Variants in TEAD4 observed in about 807,000 individuals in gnomAD.
TEAD4 encodes the protein transcriptional enhancer factor TEF-3.
TEAD4 carries 36 observed loss-of-function variants against 52.4 expected under a neutral mutation model. The ratio of observed to expected loss-of-function variants is 0.69; its 90% CI spans 0.53 to 0.91. The LOEUF is 0.91. Among genes scored for constraint, TEAD4 ranks in the 40% least tolerant of loss-of-function variants. The pLI, the probability that TEAD4 is intolerant of heterozygous loss-of-function variation, is 0.00. For synonymous variants in TEAD4, 220 were observed against 231.0 expected (o/e 0.95, Z 0.43); for missense variants, 508 against 583.9 (o/e 0.87, Z 1.34).
intron 10 of TEAD4, among the ~76,000 whole-genome samples, chr12:3,030,328 T>C (rs2098274731): frequency 6.6e-6 from 1 of 152,162 alleles, no homozygotes; most frequent in East Asian, 1.9e-4. Context: ...GGAGCCACCA[T>C]ACCCGGCTGA....
At chr12:3,014,556 C>A (rs2098262833) in intron 5 of TEAD4, among the ~76,000 whole-genome samples, 1 of 152,226 alleles carries the variant, frequency 6.6e-6, no homozygotes, top group Admixed American at 6.5e-5. Context: ...CAATAGAAAT[C>A]CCTGAGTGAG....
chr12:3,038,741 G>A (rs981775873), intron 11 of TEAD4, among the ~76,000 whole-genome samples: 2 of 152,186 alleles, frequency 1.3e-5, no homozygotes, highest in Non-Finnish European at 2.9e-5. Flanking sequence ...CTGCTTTCCG[G>A]TGCGTGTCTG....
At chr12:3,004,633 C>T (rs1180485010) in intron 3 of TEAD4, among the ~76,000 whole-genome samples, 1 of 152,164 alleles carries the variant, frequency 6.6e-6, no homozygotes, top group Non-Finnish European at 1.5e-5. Context: ...GATGACAGTA[C>T]CACCCTCATT....
chr12:2,961,102 G>A (rs2098214891), intron 2 of TEAD4, among the ~76,000 whole-genome samples: 1 of 152,140 alleles, frequency 6.6e-6, no homozygotes, highest in South Asian at 2.1e-4. Context: ...GATTTGGGAA[G>A]GTTTGTCGGG....
intron 3 of TEAD4, among the ~76,000 whole-genome samples, chr12:3,005,557 T>A (rs948986872): frequency 6.6e-6 from 1 of 152,038 alleles, no homozygotes; most frequent in Non-Finnish European, 1.5e-5. Flanking sequence ...AGTGCAATGG[T>A]GCAATCTCGG....
At chr12:2,965,271 T>C (rs1312236764) in intron 2 of TEAD4, among the ~76,000 whole-genome samples, 1 of 151,988 alleles carries the variant, frequency 6.6e-6, no homozygotes, top group African/African-American at 2.4e-5. Context: ...GCAATCCTCA[T>C]TGCCTTAACC....
At chr12:2,967,128 T>A (rs777409277) in intron 2 of TEAD4, among the ~76,000 whole-genome samples, 6 of 152,136 alleles carry the variant, frequency 3.9e-5, no homozygotes, top group Non-Finnish European at 8.8e-5. Context: ...TAAAAATATT[T>A]CTCTCTTAAA....
At chr12:3,013,383 C>T (rs1200434178) in intron 5 of TEAD4, among the ~76,000 whole-genome samples, 4 of 151,994 alleles carry the variant, frequency 2.6e-5, no homozygotes, top group Non-Finnish European at 4.4e-5. Flanking sequence ...CTCCTCTCCT[C>T]CCGCGCATCC....
chr12:3,038,680 G>A (rs889814217), intron 11 of TEAD4, among the ~76,000 whole-genome samples: 2 of 152,236 alleles, frequency 1.3e-5, no homozygotes, highest in South Asian at 2.1e-4. Flanking sequence ...CAAGGGCAGT[G>A]CAGGGCAGTG....
At chr12:3,010,886 C>T (rs1279496987) in intron 3 of TEAD4, 118 bp from the exon 4 acceptor site, 15 of 1,107,186 alleles carry the variant, frequency 1.4e-5, no homozygotes, top group Non-Finnish European at 1.7e-5. Flanking sequence ...CCCACAAATC[C>T]GCTTAGGATG....
chr12:2,985,122 C>T (rs559550845), intron 2 of TEAD4, among the ~76,000 whole-genome samples: 12 of 152,226 alleles, frequency 7.9e-5, no homozygotes, highest in Admixed American at 3.9e-4. Flanking sequence ...AAACACCTCA[C>T]GCCTGTAATC....
At chr12:2,980,149 C>T (rs2098232960) in intron 2 of TEAD4, among the ~76,000 whole-genome samples, 1 of 152,110 alleles carries the variant, frequency 6.6e-6, no homozygotes, top group Non-Finnish European at 1.5e-5. Flanking sequence ...CCTCTCAGGG[C>T]CTTAGTCTCC....
Position 2,996,412 on chromosome 12 carries a change from C to CT in TEAD4, c.226+1433dup, listed in dbSNP as rs34492810. Among the ~76,000 whole-genome samples the CT allele has an allele frequency of 3.3e-3, 481 of 145,268 alleles. 4 individuals carry two copies. Among genetic ancestry groups the CT allele is most frequent in the African/African-American group, 8.3e-3 (328 of 39,742 alleles). Reference sequence around the variant, plus strand: ...TTTCCTTTTTCTTTTCTCTCTCTCTCTTTTTTTTTTTTTGAGATGGAGTTT... The same window carrying CT: ...TTTCCTTTTTCTTTTCTCTCTCTCTCTTTTTTTTTTTTTTGAGATGGAGTTT... On this transcript the variant is annotated intron_variant, in intron 3 of 12. Transcript: ENST00000359864.
At chr12:3,037,097 T>C (rs2098279889) in intron 10 of TEAD4, among the ~76,000 whole-genome samples, 1 of 152,196 alleles carries the variant, frequency 6.6e-6, no homozygotes, top group African/African-American at 2.4e-5. Context: ...CCCTGGGCTC[T>C]GTTTTCATCA....
At position 3,020,574 on chromosome 12, in the gene TEAD4, G is replaced by C. The variant is rs79909495; in HGVS notation, c.584-60G>C. Reference sequence around the variant, plus strand: ...CGAGGAGGCCTGGGGTCCTTGCAGAGGGTGCGGGCAGGGCGGGTGTCCGTG... The same window carrying C: ...CGAGGAGGCCTGGGGTCCTTGCAGACGGTGCGGGCAGGGCGGGTGTCCGTG... On this transcript the variant is annotated intron_variant, in intron 8 of 12. Transcript: ENST00000359864. The C allele has an allele frequency of 3.7e-3, 5,403 of 1,460,320 alleles. 179 individuals carry two copies. In the African/African-American group the frequency reaches 0.069, roughly 19 times the overall value. The allele number at this position is 1,460,320 out of a possible 1,614,324, so 90.5% of individuals were successfully genotyped here. A position where few individuals can be genotyped will look rare whatever the true frequency, so the allele number is the denominator to read the frequency against.
chr12:3,023,588 A>G lies in TEAD4; in HGVS notation c.897+1571A>G, dbSNP rs577682729. Among the ~76,000 whole-genome samples the G allele has an allele frequency of 7.3e-5, 11 of 151,654 alleles. No individual in the cohort carries two copies. In the South Asian group the frequency reaches 1.9e-3, roughly 26 times the overall value. On this transcript the variant is annotated intron_variant, in intron 10 of 12. Transcript: ENST00000359864. ...AGATCACAAGGCCAGGAGTTCAAGAACAGCTTGACTAACATGGTGAAACCC... is the reference window on the plus strand; with the variant it reads ...AGATCACAAGGCCAGGAGTTCAAGAGCAGCTTGACTAACATGGTGAAACCC...
At chr12:3,000,498 C>G (rs2098250788) in intron 3 of TEAD4, among the ~76,000 whole-genome samples, 1 of 152,144 alleles carries the variant, frequency 6.6e-6, no homozygotes, top group Non-Finnish European at 1.5e-5. Flanking sequence ...AGTCCCACTC[C>G]TGCGCTCTGT....
chr12:3,018,821 G>A (rs920210635), intron 7 of TEAD4, among the ~76,000 whole-genome samples: 5 of 152,124 alleles, frequency 3.3e-5, no homozygotes, highest in African/African-American at 9.7e-5. Flanking sequence ...TCTGTCCAGG[G>A]TATAGGCAGG....
At chr12:2,961,467 A>G (rs532361399) in intron 2 of TEAD4, among the ~76,000 whole-genome samples, 11 of 152,108 alleles carry the variant, frequency 7.2e-5, no homozygotes, top group Admixed American at 4.6e-4. Context: ...TTCTTGTGGG[A>G]AACACCTCAC....
Sources: gnomAD v4.1 joint callset for allele counts (sites outside exome capture counted in the v4.1 genomes callset) on GRCh38, gnomAD v4.1.1 for gene constraint, MANE v1.5 for transcripts, NCBI Gene and HGNC (gene_info 2026-07-23, HGNC 2026-07-21) for gene names.